The following HIVEP3 variants were observed in gnomAD, a reference collection of about 807,000 sequenced individuals.
HIVEP3 encodes HIVEP zinc finger 3.
A neutral mutation model predicts 152.8 loss-of-function variants in HIVEP3; 49 were observed. That is an observed-to-expected ratio of 0.32 (90% confidence interval 0.26 to 0.41). The LOEUF (loss-of-function observed/expected upper bound fraction) is 0.41, where lower values mean the gene tolerates loss of function less well. Ranked by LOEUF, HIVEP3 falls within the 10% of genes least tolerant of loss-of-function variation. The pLI is 1.00. For synonymous variants in HIVEP3, 1,269 were observed against 1,289.0 expected, an observed-to-expected ratio of 0.98 and a Z score of 0.33; for missense variants, 2,790 against 3,103.3, an observed-to-expected ratio of 0.90 and a Z score of 2.40.
intron 5 of HIVEP3, among the ~76,000 whole-genome samples, chr1:41,555,936 T>C (rs534312213): frequency 1.3e-5 from 2 of 152,232 alleles, no homozygotes; most frequent in South Asian, 4.1e-4. Context: ...GTCCTCAAGG[T>C]TCATCCACGT....
chr1:41,651,147 T>C (rs1468121689), intron 2 of HIVEP3, among the ~76,000 whole-genome samples: 1 of 152,130 alleles, frequency 6.6e-6, no homozygotes, highest in African/African-American at 2.4e-5. Flanking sequence ...CAGTAGCTCA[T>C]ACCTGTAATC....
chr1:41,668,215 G>A (rs954601616), intron 2 of HIVEP3, among the ~76,000 whole-genome samples: 11 of 152,242 alleles, frequency 7.2e-5, no homozygotes, highest in African/African-American at 2.4e-4. Context: ...AGGATCCTGT[G>A]CTCAGGCAGC....
At chr1:42,027,190 T>A (rs889249545) in intron 1 of HIVEP3, among the ~76,000 whole-genome samples, 1 of 152,144 alleles carries the variant, frequency 6.6e-6, no homozygotes, top group Non-Finnish European at 1.5e-5. Context: ...CCTCTCTCTC[T>A]CACACACATA....
Position 41,524,866 on chromosome 1 carries a change from C to T in HIVEP3, c.5252G>A (p.Arg1751Gln), listed in dbSNP as rs746325865. 27 of 1,614,044 alleles carry T rather than the reference C, an allele frequency of 1.7e-5. No homozygotes were observed. The highest frequency in any genetic ancestry group is 4.5e-5 in the East Asian group (2 of 44,906). ...ACACTCCTCACAAACATATTTCCCTCGGCCGCGGCCTCGCACATATACATA... is the reference window on the plus strand; with the variant it reads ...ACACTCCTCACAAACATATTTCCCTTGGCCGCGGCCTCGCACATATACATA... ...EEYVYVRGRG[R>Q]GKYVCEECGI... The change falls in exon 6 of 9, where the codon CGA becomes CAA. Residue 1751 changes from arginine to glutamine, a missense_variant. This residue lies in a region of HIVEP3 where 57 missense variants were observed against 95.1 expected (regional missense o/e 0.60). Coordinates refer to ENST00000372583, the MANE Select transcript of HIVEP3 (RefSeq NM_024503.5).
chr1:41,951,159 C>G (rs1645104423), intron 1 of HIVEP3, among the ~76,000 whole-genome samples: 1 of 152,106 alleles, frequency 6.6e-6, no homozygotes, highest in Admixed American at 6.6e-5. Flanking sequence ...CAATTAAATA[C>G]TGAAAGAAGA....
At chr1:41,941,018 G>A (rs1031009787) in intron 1 of HIVEP3, among the ~76,000 whole-genome samples, 1 of 152,174 alleles carries the variant, frequency 6.6e-6, no homozygotes, top group Admixed American at 6.5e-5. Flanking sequence ...ATGGTCAAAT[G>A]TGTCAAATTT....
In HIVEP3 at chr1:41,757,695, G is replaced by T. The variant is rs567127007; in HGVS notation, c.-800-56700C>A. 7.4e-4 allele frequency among the ~76,000 whole-genome samples: 107 copies of T among 145,236 alleles called. 1 individual carries two copies. The East Asian group carries it at 0.017, about 23-fold the overall frequency. On this transcript the variant is annotated intron_variant, in intron 1 of 8. Coordinates refer to ENST00000372583, the MANE Select transcript of HIVEP3 (RefSeq NM_024503.5). Reference sequence around the variant, plus strand: ...TCAGTCTGTTTATATTTTCTACTTTGTATTTATTTATTTATTTATTTATTT... The same window carrying T: ...TCAGTCTGTTTATATTTTCTACTTTTTATTTATTTATTTATTTATTTATTT...
intron 1 of HIVEP3, among the ~76,000 whole-genome samples, chr1:42,005,309 G>A (rs1288276549): frequency 1.3e-5 from 2 of 152,092 alleles, no homozygotes; most frequent in African/African-American, 4.8e-5. Context: ...CCAGCACATA[G>A]TAGGTGTACA....
chr1:41,938,290 T>G (rs1455163601), intron 1 of HIVEP3, among the ~76,000 whole-genome samples: 2 of 152,176 alleles, frequency 1.3e-5, no homozygotes, highest in Non-Finnish European at 2.9e-5. Flanking sequence ...ATCTACCTTC[T>G]CCTTCCCCAC....
At chr1:41,850,528 G>A (rs1456283598) in intron 1 of HIVEP3, among the ~76,000 whole-genome samples, 2 of 152,096 alleles carry the variant, frequency 1.3e-5, no homozygotes, top group African/African-American at 2.4e-5. Context: ...TCTCAAAATC[G>A]CAAACGTGGA....
At chr1:41,572,319 A>C (rs1644262177) in intron 5 of HIVEP3, among the ~76,000 whole-genome samples, 1 of 152,210 alleles carries the variant, frequency 6.6e-6, no homozygotes, top group African/African-American at 2.4e-5. Context: ...TGCTCAAGGC[A>C]AGAGGAAGTG....
chr1:41,694,068 C>T (rs1029574650), intron 2 of HIVEP3, among the ~76,000 whole-genome samples: 1 of 152,104 alleles, frequency 6.6e-6, no homozygotes, highest in Admixed American at 6.6e-5. Context: ...ACTTTGTAAA[C>T]ATTTTATGAA....
At chr1:41,820,827 A>C (rs970155458) in intron 1 of HIVEP3, among the ~76,000 whole-genome samples, 4 of 152,262 alleles carry the variant, frequency 2.6e-5, no homozygotes, top group Non-Finnish European at 5.9e-5. Context: ...AGTGTCAACC[A>C]ATACCTAGCA....
chr1:41,666,852 C>T lies in HIVEP3; in HGVS notation c.-721+34064G>A, dbSNP rs2124060649. Among the ~76,000 whole-genome samples, 4 of 152,336 alleles carry T rather than the reference C, an allele frequency of 2.6e-5. No homozygotes were observed. In the South Asian group the frequency reaches 8.3e-4, roughly 32 times the overall value. Reference sequence around the variant, plus strand: ...CCTTTAACAACAGAGCCTCAGTTTACCAGTCCAAACCTCCCTCTCTCTGCA... The same window carrying T: ...CCTTTAACAACAGAGCCTCAGTTTATCAGTCCAAACCTCCCTCTCTCTGCA... On this transcript the variant is annotated intron_variant, in intron 2 of 8. Transcript: ENST00000372583.
At chr1:41,640,578 C>A (rs1645357465) in intron 2 of HIVEP3, among the ~76,000 whole-genome samples, 1 of 152,172 alleles carries the variant, frequency 6.6e-6, no homozygotes, top group Non-Finnish European at 1.5e-5. Context: ...TGTGATGGAT[C>A]TAGCAGGGAA....
chr1:41,552,472 G>GT (rs770630597), intron 5 of HIVEP3, among the ~76,000 whole-genome samples: 4 of 146,844 alleles, frequency 2.7e-5, no homozygotes, highest in Non-Finnish European at 6.0e-5. Flanking sequence ...GCGGTGTTTG[G>GT]TTTTTTGTTC....
In HIVEP3 at chr1:41,508,916, A is replaced by G. The variant is rs1644411578; in HGVS notation, c.*1535T>C. The stretch of plus-strand genomic sequence containing the variant: ...TGCTGCCCTCCCTTGTAGAAAGTAA[A>G]GAAAATCAGTTCTGAAACACTGGGA... On this transcript the variant is annotated 3_prime_UTR_variant, in exon 9 of 9. Coordinates refer to ENST00000372583, the MANE Select transcript of HIVEP3 (RefSeq NM_024503.5). 2 of 152,292 alleles carry G rather than the reference A, an allele frequency of 1.3e-5. No homozygotes were observed. The highest frequency in any genetic ancestry group is 1.3e-4 in the Admixed American group (2 of 15,290). 9.4% of individuals were successfully genotyped at this position (152,292 alleles called of 1,614,324 possible).
intron 1 of HIVEP3, among the ~76,000 whole-genome samples, chr1:41,911,823 AG>A (rs1644800909): frequency 6.6e-6 from 1 of 152,212 alleles, no homozygotes; most frequent in East Asian, 1.9e-4. Flanking sequence ...CCCTAGTGCC[AG>A]AGCTGGTACC....
At chr1:41,847,584 T>C (rs1643478268) in intron 1 of HIVEP3, 1 of 152,196 alleles carries the variant, frequency 6.6e-6, no homozygotes, top group South Asian at 2.1e-4. Flanking sequence ...TGCTTTGCAA[T>C]AATGAAAAAT....
Sources: gnomAD v4.1 joint callset for allele counts (sites outside exome capture counted in the v4.1 genomes callset) on GRCh38, gnomAD v4.1.1 for gene constraint, gnomAD v4.1.1 regional missense constraint, MANE v1.5 for transcripts, NCBI Gene and HGNC (gene_info 2026-07-23, HGNC 2026-07-21) for gene names.